Variants in USP32 observed in about 807,000 individuals in gnomAD.
USP32 encodes ubiquitin carboxyl-terminal hydrolase 32.
A neutral mutation model predicts 204.8 loss-of-function variants in USP32; 59 were observed. That is an observed-to-expected ratio of 0.29 (90% CI 0.23 to 0.36). The LOEUF is 0.36. USP32 is among the 10% of genes least tolerant of loss of function. USP32 has a pLI of 1.00. For missense variants in USP32, 1,160 were observed against 1,946.4 expected, an observed-to-expected ratio of 0.60 and a Z score of 7.60; for synonymous variants, 517 against 678.4, an observed-to-expected ratio of 0.76 and a Z score of 3.70.
intron 2 of USP32, among the ~76,000 whole-genome samples, chr17:60,333,427 C>T (rs2088436388): frequency 6.6e-6 from 1 of 152,014 alleles, no homozygotes; most frequent in Admixed American, 6.6e-5. Context: ...GGTGAAACCC[C>T]CATCTCTACT....
chr17:60,387,069 G>A (rs1479579156), intron 1 of USP32, among the ~76,000 whole-genome samples: 1 of 152,152 alleles, frequency 6.6e-6, no homozygotes, highest in Non-Finnish European at 1.5e-5. Flanking sequence ...TCATAGGAAG[G>A]CAAATAAGTG....
intron 4 of USP32, among the ~76,000 whole-genome samples, chr17:60,289,101 G>A (rs181478817): frequency 6.6e-4 from 100 of 152,188 alleles, no homozygotes; most frequent in African/African-American, 2.2e-3. Context: ...TCTGCCTCCC[G>A]GGTTCACGCC....
At chr17:60,186,811 A>C (rs1394811418) in intron 29 of USP32, among the ~76,000 whole-genome samples, 3 of 152,270 alleles carry the variant, frequency 2.0e-5, no homozygotes, top group Non-Finnish European at 2.9e-5. Flanking sequence ...GAAAAGAAAC[A>C]ATTTTTTCCT....
intron 1 of USP32, among the ~76,000 whole-genome samples, chr17:60,408,073 G>C (rs1352204380): frequency 6.6e-6 from 1 of 151,898 alleles, no homozygotes; most frequent in Non-Finnish European, 1.5e-5. Flanking sequence ...ACTCCAGCCT[G>C]GGGTACAGAG....
In USP32 at chr17:60,273,325, G is replaced by A. The variant is rs566310490; in HGVS notation, c.572-1844C>T. ...AAAAAAGTCCTAGAGCTCATACAGG[G>A]CTGGGAGATGTCTGAGTTGTGACCA... is the stretch of plus-strand genomic sequence containing the variant. On this transcript the variant is annotated intron_variant, in intron 5 of 33. Coordinates refer to ENST00000300896, the MANE Select transcript of USP32 (RefSeq NM_032582.4). Among the ~76,000 whole-genome samples the A allele has an allele frequency of 7.9e-5, 12 of 152,260 alleles. No homozygotes were observed. The South Asian group carries it at 2.5e-3, about 32-fold the overall frequency.
At chr17:60,247,520 A>G (rs1056561280) in intron 11 of USP32, among the ~76,000 whole-genome samples, 1 of 152,078 alleles carries the variant, frequency 6.6e-6, no homozygotes, top group Admixed American at 6.6e-5. Context: ...TATGGTAAGA[A>G]ATTGGGAACT....
chr17:60,196,103 C>A (rs1382622792), intron 27 of USP32, among the ~76,000 whole-genome samples: 2 of 152,020 alleles, frequency 1.3e-5, no homozygotes, highest in Non-Finnish European at 2.9e-5. Flanking sequence ...CCTGTCTCTA[C>A]TAAAAATACA....
At chr17:60,420,368 T>A (rs951019437) in intron 1 of USP32, among the ~76,000 whole-genome samples, 2 of 152,094 alleles carry the variant, frequency 1.3e-5, no homozygotes, top group Non-Finnish European at 2.9e-5. Context: ...AGTAGATTTT[T>A]AAAAAAGACT....
chr17:60,298,278 A>G (rs1344401197), intron 3 of USP32, among the ~76,000 whole-genome samples: 1 of 152,098 alleles, frequency 6.6e-6, no homozygotes, highest in Non-Finnish European at 1.5e-5. Flanking sequence ...TCTCTGTTCT[A>G]TTCTCCCTTG....
At chr17:60,280,742 C>T (rs1245336048) in intron 5 of USP32, among the ~76,000 whole-genome samples, 1 of 152,136 alleles carries the variant, frequency 6.6e-6, no homozygotes, top group Non-Finnish European at 1.5e-5. Flanking sequence ...ACATTCCTAA[C>T]ACATTATTAG....
chr17:60,195,254 GA>G (rs1459039845), intron 27 of USP32, among the ~76,000 whole-genome samples: 1 of 152,214 alleles, frequency 6.6e-6, no homozygotes, highest in Non-Finnish European at 1.5e-5. Context: ...TGTAGCATTT[GA>G]AACGACTATC....
intron 1 of USP32, 145 bp from the exon 2 acceptor site, chr17:60,345,753 A>G: frequency 9.8e-7 from 1 of 1,022,470 alleles, no homozygotes. Flanking sequence ...AGGCCAAGGC[A>G]GGCGGATCAC....
chr17:60,231,330 G>A (rs2085542714), intron 12 of USP32, among the ~76,000 whole-genome samples: 1 of 152,208 alleles, frequency 6.6e-6, no homozygotes, highest in Admixed American at 6.5e-5. Flanking sequence ...ATAGAGGGCA[G>A]CATGGAGCAA....
chr17:60,237,705 C>T (rs1443450142), intron 11 of USP32, among the ~76,000 whole-genome samples: 1 of 152,120 alleles, frequency 6.6e-6, no homozygotes, highest in Non-Finnish European at 1.5e-5. Context: ...TTATGTCTGG[C>T]TTCCTTCATT....
chr17:60,232,175 T>C (rs76351986), intron 12 of USP32, among the ~76,000 whole-genome samples: 68 of 132,296 alleles, frequency 5.1e-4, no homozygotes, highest in Non-Finnish European at 6.8e-4. Context: ...TTTCTTTTTT[T>C]TTTTTTTTTT....
intron 4 of USP32, among the ~76,000 whole-genome samples, chr17:60,294,114 C>T (rs938488910): frequency 5.9e-5 from 9 of 152,066 alleles, no homozygotes; most frequent in Admixed American, 2.0e-4. Context: ...CTACATTGTC[C>T]AGGCTGGTCT....
At chr17:60,384,907 A>T (rs1477212816) in intron 1 of USP32, among the ~76,000 whole-genome samples, 1 of 152,134 alleles carries the variant, frequency 6.6e-6, no homozygotes, top group Non-Finnish European at 1.5e-5. Flanking sequence ...CAGGAGTTCA[A>T]CACCAGCCTG....
intron 5 of USP32, among the ~76,000 whole-genome samples, chr17:60,280,378 C>T (rs1368490136): frequency 1.3e-5 from 2 of 152,040 alleles, no homozygotes; most frequent in African/African-American, 2.4e-5. Context: ...ATTACAGGCT[C>T]GGGCTACTGC....
intron 5 of USP32, among the ~76,000 whole-genome samples, chr17:60,275,699 G>A (rs1290445228): frequency 6.6e-6 from 1 of 151,944 alleles, no homozygotes; most frequent in Non-Finnish European, 1.5e-5. Flanking sequence ...AATTTCCAGG[G>A]CCTTCAAAGC....
Sources: gnomAD v4.1 joint callset for allele counts (sites outside exome capture counted in the v4.1 genomes callset) on GRCh38, gnomAD v4.1.1 for gene constraint, MANE v1.5 for transcripts, NCBI Gene and HGNC (gene_info 2026-07-23, HGNC 2026-07-21) for gene names.